Variants in SLC3A2 observed in about 807,000 individuals in gnomAD.
SLC3A2 encodes solute carrier family 3 member 2.
A neutral mutation model predicts 48.5 loss-of-function variants in SLC3A2; 32 were observed. That is an observed-to-expected ratio of 0.66 (90% CI 0.50 to 0.89). The LOEUF is 0.89. SLC3A2 is among the 40% of genes least tolerant of loss of function. The pLI is 0.00. For synonymous variants in SLC3A2, 277 were observed against 288.8 expected (o/e 0.96, Z 0.41); for missense variants, 587 against 680.7 (o/e 0.86, Z 1.53).
upstream of SLC3A2, among the ~76,000 whole-genome samples, chr11:62,878,739 A>C (rs556319797): frequency 6.8e-6 from 1 of 147,940 alleles, no homozygotes; most frequent in South Asian, 2.2e-4. Context: ...GGCCTCCCAA[A>C]GTGCTGGTAT....
intron 1 of SLC3A2, among the ~76,000 whole-genome samples, chr11:62,867,257 GC>G (rs1358451467): frequency 1.3e-5 from 2 of 150,982 alleles, no homozygotes; most frequent in Admixed American, 1.3e-4. Flanking sequence ...CTCCCAAAGT[GC>G]TGGGATTACA....
intron 5 of SLC3A2, among the ~76,000 whole-genome samples, chr11:62,884,892 C>T (rs1406163988): frequency 5.2e-5 from 6 of 116,254 alleles, no homozygotes; most frequent in African/African-American, 1.3e-4. Context: ...GGTGCGATGG[C>T]GTGATCTTGG....
chr11:62,888,569 C>T lies in SLC3A2; in HGVS notation c.1466C>T (p.Pro489Leu), dbSNP rs1343485268. The T allele has an allele frequency of 6.2e-7, 1 of 1,613,900 alleles. No individual in the cohort carries two copies. Among genetic ancestry groups the T allele is most frequent in the Non-Finnish European group, 8.5e-7 (1 of 1,180,040 alleles). The change falls in exon 9 of 9, where the codon CCA (proline) becomes CTA (leucine). Residue 489 changes from proline (P) to leucine (L), a missense_variant. Coordinates refer to ENST00000338663, the MANE Select transcript of SLC3A2 (RefSeq NM_001013251.3). ...ASDLPASASL[P>L]AKADLLLSTQ... The stretch of plus-strand genomic sequence containing the variant: ...GACCTGCCTGCCAGCGCCAGCCTGC[C>T]AGCCAAGGCTGACCTCCTGCTCAGC...
At chr11:62,867,176 G>T (rs1217620908) in intron 1 of SLC3A2, among the ~76,000 whole-genome samples, 1 of 151,574 alleles carries the variant, frequency 6.6e-6, no homozygotes, top group African/African-American at 2.4e-5. Flanking sequence ...ATTTTTAGTA[G>T]AGATGGGGTT....
rs757945289 is a variant in SLC3A2, at chr11:62,881,102, G to C, written c.79G>C (p.Ala27Pro). ...LEPEKQPMNA[A>P]SGAAMSLAGA... ...GCCCGAGAAGCAGCCGATGAACGCGGCGTCTGGGGCGGCCATGTCCCTGGC... is the reference window on the plus strand; with the variant it reads ...GCCCGAGAAGCAGCCGATGAACGCGCCGTCTGGGGCGGCCATGTCCCTGGC... Residue 27 changes from alanine to proline, a missense_variant, in exon 1 of 9, where the codon GCG becomes CCG. By Grantham distance (27) the Ala-to-Pro change is conservative (BLOSUM62 -1). Transcript: ENST00000338663. This position sits in a 1 kb window ranked among gnomAD's most constrained non-coding sequence, Gnocchi z 4.0. 1 of 1,608,714 alleles carries C rather than the reference G, an allele frequency of 6.2e-7. No individual in the cohort carries two copies. The highest frequency in any genetic ancestry group is 1.1e-5 in the South Asian group (1 of 89,876).
At chr11:62,885,744 G>T (rs1039110801) in intron 7 of SLC3A2, 136 bp downstream of exon 7, 6 of 921,516 alleles carry the variant, frequency 6.5e-6, no homozygotes, top group Non-Finnish European at 1.0e-5. Context: ...GAGTGGCTAT[G>T]TGGCTTTGGG....
intron 1 of SLC3A2, among the ~76,000 whole-genome samples, chr11:62,862,108 G>A: frequency 6.6e-6 from 1 of 151,644 alleles, no homozygotes. Context: ...CCTGAGGTCA[G>A]GAGTTCAAGA....
chr11:62,858,751 G>GGA (rs1180626188), intron 1 of SLC3A2, among the ~76,000 whole-genome samples: 1 of 152,182 alleles, frequency 6.6e-6, no homozygotes, highest in Admixed American at 6.6e-5. Flanking sequence ...ACAATAGTGG[G>GGA]GAGAGGGTCA....
In SLC3A2 at chr11:62,881,091, C is replaced by G; in HGVS notation, c.68C>G (p.Pro23Arg). 1.2e-6 allele frequency: 2 copies of G among 1,609,334 alleles called. No individual in the cohort carries two copies. Among genetic ancestry groups the G allele is most frequent in the South Asian group, 2.2e-5 (2 of 89,960 alleles). The change falls in exon 1 of 9, where the codon CCG (proline) becomes CGG (arginine). Residue 23 changes from proline to arginine, a missense_variant. Transcript: ENST00000338663. This position sits in a 1 kb window ranked among gnomAD's most constrained non-coding sequence, Gnocchi z 4.0. Reference protein sequence around the residue: ...ELNELEPEKQPMNAASGAAMS... With the variant: ...ELNELEPEKQRMNAASGAAMS... ...AATGAGTTAGAGCCCGAGAAGCAGC[C>G]GATGAACGCGGCGTCTGGGGCGGCC... is the stretch of plus-strand genomic sequence containing the variant.
At chr11:62,873,119 T>A (rs1236684919) in intron 1 of SLC3A2, among the ~76,000 whole-genome samples, 5 of 151,584 alleles carry the variant, frequency 3.3e-5, no homozygotes, top group Non-Finnish European at 5.9e-5. Context: ...CTTCCCAGGC[T>A]CAAGTGATAC....
In SLC3A2 at chr11:62,884,508, G is replaced by A; in HGVS notation, c.742G>A (p.Asp248Asn). Residue 248 changes from aspartate (D) to asparagine (N), a missense_variant, in exon 4 of 9, where the codon GAC becomes AAC. Transcript: ENST00000338663. Reference protein sequence around the residue: ...QAGVDGFQVRDIENLKDASSF... With the variant: ...QAGVDGFQVRNIENLKDASSF... The stretch of plus-strand genomic sequence containing the variant: ...TGGCGTGGATGGGTTCCAGGTTCGG[G>A]ACATAGAGAATCTGAAGGTGAGTTC... 6.2e-7 allele frequency: 1 copy of A among 1,614,238 alleles called. No individual in the cohort carries two copies. Among genetic ancestry groups the A allele is most frequent in the Non-Finnish European group, 8.5e-7 (1 of 1,180,034 alleles).
chr11:62,875,491 G>A (rs1165364466), intron 1 of SLC3A2, among the ~76,000 whole-genome samples: 3 of 152,116 alleles, frequency 2.0e-5, no homozygotes, highest in Non-Finnish European at 4.4e-5. Flanking sequence ...AGCTGAGATC[G>A]CACCACTGTA....
exon 1 of SLC3A2, chr11:62,856,173 C>A: frequency 1.1e-6 from 1 of 948,068 alleles, no homozygotes; most frequent in Non-Finnish European, 1.5e-6. Flanking sequence ...TGCCTCACGG[C>A]GATCCTGGAC....
At chr11:62,862,211 G>T (rs1360545970) in intron 1 of SLC3A2, among the ~76,000 whole-genome samples, 1 of 151,260 alleles carries the variant, frequency 6.6e-6, no homozygotes, top group African/African-American at 2.4e-5. Flanking sequence ...CAGCTACTCG[G>T]GAGGCTGAGG....
intron 1 of SLC3A2, among the ~76,000 whole-genome samples, chr11:62,872,754 C>T (rs541228850): frequency 1.3e-5 from 2 of 152,066 alleles, no homozygotes; most frequent in Admixed American, 6.5e-5. Flanking sequence ...AGGCATGTGC[C>T]ACCACACCTG....
intron 1 of SLC3A2, among the ~76,000 whole-genome samples, chr11:62,864,501 C>T (rs1353023323): frequency 6.6e-6 from 1 of 152,080 alleles, no homozygotes; most frequent in Non-Finnish European, 1.5e-5. Context: ...GAGTCTCGCT[C>T]TGTCGCCCAG....
upstream of SLC3A2, chr11:62,880,881 C>T: frequency 1.3e-5 from 18 of 1,422,020 alleles, no homozygotes; most frequent in Non-Finnish European, 1.6e-5. Context: ...CCAGAGGCCG[C>T]GCCTGCTGCT....
chr11:62,885,488 T>C lies in SLC3A2; in HGVS notation c.1023T>C (p.Thr341=). ...SWSLSQARLL[T]SFLPAQLLRL... ...AGTTGTCTCAGGCAAGGCTCCTGAC[T>C]TCCTTCTTGCCGGCTCAACTTCTCC... is the stretch of plus-strand genomic sequence containing the variant. The change falls in exon 7 of 9, where the codon ACT becomes ACC. Residue 341 remains threonine, a synonymous_variant. Transcript: ENST00000338663. The C allele has an allele frequency of 6.2e-7, 1 of 1,614,176 alleles. No homozygotes were observed. The highest frequency in any genetic ancestry group is 8.5e-7 in the Non-Finnish European group (1 of 1,180,012).
chr11:62,888,593 G>C lies in SLC3A2; in HGVS notation c.1490G>C (p.Ser497Thr). The change falls in exon 9 of 9, where the codon AGC becomes ACC. Residue 497 changes from serine to threonine, a missense_variant. Transcript: ENST00000338663. ...CCAGCCAAGGCTGACCTCCTGCTCA[G>C]CACCCAGCCAGGCCGTGAGGAGGGC... ...SLPAKADLLL[S>T]TQPGREEGSP... 1 of 1,613,302 alleles carries C rather than the reference G, an allele frequency of 6.2e-7. No homozygotes were observed. The highest frequency in any genetic ancestry group is 2.2e-5 in the East Asian group (1 of 44,884).
Sources: gnomAD v4.1 joint callset for allele counts (sites outside exome capture counted in the v4.1 genomes callset) on GRCh38, gnomAD v4.1.1 for gene constraint, Gnocchi (gnomAD v3.1) non-coding constraint, MANE v1.5 for transcripts, NCBI Gene and HGNC (gene_info 2026-07-23, HGNC 2026-07-21) for gene names.